The following RAMAC variants were observed in gnomAD, a reference collection of about 807,000 sequenced individuals.
RAMAC encodes the protein RNA guanine-N7 methyltransferase activating subunit.
Under a neutral mutation model 17.9 loss-of-function variants are expected in RAMAC, and 11 were observed. That is an observed-to-expected ratio of 0.61 (90% CI 0.39 to 1.02). RAMAC has a LOEUF of 1.02. RAMAC is among the 50% of genes least tolerant of loss of function. The pLI is 0.01. For missense variants in RAMAC, 109 were observed against 144.0 expected, an observed-to-expected ratio of 0.76 and a Z score of 1.25; for synonymous variants, 27 against 48.4, an observed-to-expected ratio of 0.56 and a Z score of 1.84.
chr15:82,988,975 T>A, intron 2 of RAMAC, 35 bp from the exon 3 acceptor site: 1 of 1,526,844 alleles, frequency 6.5e-7, no homozygotes, highest in Non-Finnish European at 8.8e-7. Flanking sequence ...AATTTTTAAA[T>A]TTTTTTTAAT....
intron 2 of RAMAC, chr15:82,988,585 C>G (rs1424226828): frequency 9.1e-6 from 3 of 330,242 alleles, no homozygotes; most frequent in Non-Finnish European, 1.8e-5. Flanking sequence ...TGCCTGTAAT[C>G]CCAGCACTTT....
Position 82,990,832 on chromosome 15 carries a change from A to C in RAMAC, c.*765A>C. On this transcript the variant is annotated 3_prime_UTR_variant, in exon 4 of 4. Coordinates refer to ENST00000304191, the MANE Select transcript of RAMAC (RefSeq NM_031452.4). Reference sequence around the variant, plus strand: ...GTTCACACTTTTTAATCCTGTAAATAATGCTGCATTTTGATGGTTCTTACT... The same window carrying C: ...GTTCACACTTTTTAATCCTGTAAATCATGCTGCATTTTGATGGTTCTTACT... 1 of 518,390 alleles carries C rather than the reference A, an allele frequency of 1.9e-6. No individual in the cohort carries two copies. Among genetic ancestry groups the C allele is most frequent in the South Asian group, 3.4e-5 (1 of 29,514 alleles). 32.1% of individuals were successfully genotyped at this position (518,390 alleles called of 1,614,324 possible).
At chr15:82,987,255 C>T (rs1020814103) in intron 1 of RAMAC, 81 bp from the exon 2 acceptor site, 1 of 152,162 alleles carries the variant, frequency 6.6e-6, no homozygotes, top group South Asian at 2.1e-4. Context: ...TTGAATAAGA[C>T]TCTTATGCGC....
intron 3 of RAMAC, 92 bp downstream of exon 3, chr15:82,989,280 G>GT: frequency 7.5e-7 from 1 of 1,333,460 alleles, no homozygotes; most frequent in Non-Finnish European, 1.0e-6. Context: ...GCAGGGACCA[G>GT]TGTTTTTGGT....
rs2030746978 is a variant in RAMAC, at chr15:82,989,075, C to T, written c.57C>T (p.Phe19=). ...PKFEEMFASR[F]TENDKEYQEY... ...TTGAAGAGATGTTTGCTAGTAGATT[C>T]ACAGAAAATGACAAGGAGTATCAGG... The change falls in exon 3 of 4, where the codon TTC becomes TTT. Residue 19 remains phenylalanine, a synonymous_variant. Coordinates refer to ENST00000304191, the MANE Select transcript of RAMAC (RefSeq NM_031452.4). 1 of 1,613,722 alleles carries T rather than the reference C, an allele frequency of 6.2e-7. No individual in the cohort carries two copies. Among genetic ancestry groups the T allele is most frequent in the Non-Finnish European group, 8.5e-7 (1 of 1,179,806 alleles).
chr15:82,987,422 T>C (rs1416169015), intron 2 of RAMAC, 38 bp downstream of exon 2: 2 of 152,178 alleles, frequency 1.3e-5, no homozygotes, highest in Non-Finnish European at 1.5e-5. Flanking sequence ...TCTATTTAAA[T>C]TTCGTTCTCA....
Position 82,990,542 on chromosome 15 carries a change from G to GCT in RAMAC, c.*476_*477dup. 1 of 765,866 alleles carries GCT rather than the reference G, an allele frequency of 1.3e-6. No homozygotes were observed. Among genetic ancestry groups the GCT allele is most frequent in the Non-Finnish European group, 2.0e-6 (1 of 494,256 alleles). 47.4% of individuals were successfully genotyped at this position (765,866 alleles called of 1,614,324 possible). On this transcript the variant is annotated 3_prime_UTR_variant, in exon 4 of 4. Coordinates refer to ENST00000304191, the MANE Select transcript of RAMAC (RefSeq NM_031452.4). ...TCAGCAGTTGAAAGGTAAAACAATTGCTTTTTTTTTTTTTTGCATTTGTTA... is the reference window on the plus strand; with the variant it reads ...TCAGCAGTTGAAAGGTAAAACAATTGCTCTTTTTTTTTTTTTTGCATTTGTTA...
In RAMAC at chr15:82,990,148, T is replaced by G; in HGVS notation, c.*81T>G. ...TTGGGTGTCTTCTGTTGGTCATAGT[T>G]TTACATCTGATTTTACAGAATGGAT... On this transcript the variant is annotated 3_prime_UTR_variant, in exon 4 of 4. Transcript: ENST00000304191. The G allele has an allele frequency of 7.3e-6, 4 of 550,560 alleles. No homozygotes were observed. The East Asian group carries it at 1.2e-4, about 17-fold the overall frequency. 34.1% of individuals were successfully genotyped at this position (550,560 alleles called of 1,614,324 possible). A position where few individuals can be genotyped will look rare whatever the true frequency, so the allele number is the denominator to read the frequency against.
At chr15:82,987,298 C>T (rs1478894074) in intron 1 of RAMAC, 38 bp from the exon 2 acceptor site, 1 of 152,146 alleles carries the variant, frequency 6.6e-6, no homozygotes, top group Non-Finnish European at 1.5e-5. Flanking sequence ...TTGAGAGTTT[C>T]CTTAAATAAA....
intron 1 of RAMAC, among the ~76,000 whole-genome samples, 184 bp from the exon 2 acceptor site, chr15:82,987,152 C>T (rs559819285): frequency 7.9e-4 from 121 of 152,250 alleles, no homozygotes; most frequent in African/African-American, 2.8e-3. Context: ...CTCTTGACTT[C>T]GTGATCTGCC....
rs1567085322 is a variant in RAMAC, at chr15:82,990,856, C to CT, written c.*795dup. ...TAATGCTGCATTTTGATGGTTCTTA[C>CT]TTTTTTGGTATTTAATGTGGGCTGA... On this transcript the variant is annotated 3_prime_UTR_variant, in exon 4 of 4. Transcript: ENST00000304191. 4.0e-6 allele frequency: 2 copies of CT among 497,218 alleles called. No homozygotes were observed. Among genetic ancestry groups the CT allele is most frequent in the Non-Finnish European group, 7.2e-6 (2 of 278,328 alleles). The allele number at this position is 497,218 out of a possible 1,614,324, so 30.8% of individuals were successfully genotyped here.
At chr15:82,988,792 C>A in intron 2 of RAMAC, 1 of 488,936 alleles carries the variant, frequency 2.0e-6, no homozygotes, top group Non-Finnish European at 3.7e-6. Flanking sequence ...CGAGGTTGTG[C>A]CGCTGTGCTC....
At chr15:82,987,989 C>T (rs1302765195) in intron 2 of RAMAC, among the ~76,000 whole-genome samples, 4 of 146,208 alleles carry the variant, frequency 2.7e-5, no homozygotes, top group East Asian at 4.1e-4. Flanking sequence ...GAGCCGAGAT[C>T]GCGCCATTGC....
At position 82,989,196 on chromosome 15, in the gene RAMAC, T is replaced by C; in HGVS notation, c.170+8T>C. 2 of 1,610,558 alleles carry C rather than the reference T, an allele frequency of 1.2e-6. No individual in the cohort carries two copies. The highest frequency in any genetic ancestry group is 2.7e-5 in the African/African-American group (2 of 74,836). ...AAGAAACAGAGGCAATCGGTGTGTA[T>C]TCAAAAGAATAAATGCAGATAGTTG... On this transcript the variant is annotated splice_region_variant and intron_variant, in intron 3 of 3. Coordinates refer to ENST00000304191, the MANE Select transcript of RAMAC (RefSeq NM_031452.4).
intron 3 of RAMAC, 64 bp from the exon 4 acceptor site, chr15:82,989,817 G>T (rs1216629946): frequency 3.8e-6 from 6 of 1,572,818 alleles, no homozygotes; most frequent in Non-Finnish European, 5.2e-6. Flanking sequence ...GCACTGCTAT[G>T]GGTTTGTCAT....
chr15:82,988,412 G>C (rs2030716280), intron 2 of RAMAC: 1 of 174,790 alleles, frequency 5.7e-6, no homozygotes, highest in South Asian at 1.1e-4. Context: ...TGGGGTTAAA[G>C]TAGGTAGTAT....
chr15:82,989,794 T>G (rs1380180346), intron 3 of RAMAC, 87 bp from the exon 4 acceptor site: 20 of 1,483,132 alleles, frequency 1.3e-5, no homozygotes, highest in Non-Finnish European at 1.8e-5. Context: ...TGTATTAGAA[T>G]GAGAAACCAG....
At chr15:82,988,422 TA>T (rs2030716973) in intron 2 of RAMAC, 1 of 183,048 alleles carries the variant, frequency 5.5e-6, no homozygotes, top group East Asian at 1.8e-4. Context: ...GTAGGTAGTA[TA>T]AATGTTACAA....
chr15:82,989,282 G>A lies in RAMAC; in HGVS notation c.170+94G>A, dbSNP rs541184356. ...AAGGCCAGTGAGGGCAGGGACCAGT[G>A]TTTTTGGTATGGCATACCTAGTACC... On this transcript the variant is annotated intron_variant, in intron 3 of 3. Coordinates refer to ENST00000304191, the MANE Select transcript of RAMAC (RefSeq NM_031452.4). 1.4e-5 allele frequency: 18 copies of A among 1,319,620 alleles called. 1 individual carries two copies. The South Asian group carries it at 2.7e-4, about 20-fold the overall frequency. 81.7% of individuals were successfully genotyped at this position (1,319,620 alleles called of 1,614,324 possible). A position where few individuals can be genotyped will look rare whatever the true frequency, so the allele number is the denominator to read the frequency against.
Sources: gnomAD v4.1 joint callset for allele counts (sites outside exome capture counted in the v4.1 genomes callset) on GRCh38, gnomAD v4.1.1 for gene constraint, MANE v1.5 for transcripts, NCBI Gene and HGNC (gene_info 2026-07-23, HGNC 2026-07-21) for gene names.